The following ITSN2 variants were observed in gnomAD, a reference collection of about 807,000 sequenced individuals.
ITSN2 encodes the protein intersectin 2.
In ITSN2, 156 loss-of-function variants were observed where a neutral mutation model predicts 243.7. That is an observed-to-expected ratio of 0.64 (90% CI 0.56 to 0.73). The LOEUF (loss-of-function observed/expected upper bound fraction) is 0.73, where lower values mean the gene tolerates loss of function less well. Among genes scored for constraint, ITSN2 ranks in the 30% least tolerant of loss-of-function variants. The pLI is 0.00. For missense variants in ITSN2, 1,801 were observed against 1,996.1 expected (o/e 0.90, Z 1.86); for synonymous variants, 703 against 699.9 (o/e 1.00, Z -0.07).
chr2:24,245,476 A>G (rs1573987663), intron 29 of ITSN2, among the ~76,000 whole-genome samples: 1 of 150,742 alleles, frequency 6.6e-6, no homozygotes, highest in Non-Finnish European at 1.5e-5. Context: ...ATTGCTGGCT[A>G]CTTTTTTTTT....
intron 29 of ITSN2, among the ~76,000 whole-genome samples, chr2:24,224,604 C>A (rs1366284965): frequency 6.6e-6 from 1 of 151,812 alleles, no homozygotes; most frequent in African/African-American, 2.4e-5. Flanking sequence ...GCCTAGCTGA[C>A]CCTTTTGCAT....
At chr2:24,330,382 C>T (rs1488432154) in intron 1 of ITSN2, 10 of 562,214 alleles carry the variant, frequency 1.8e-5, no homozygotes, top group Admixed American at 1.5e-4. Flanking sequence ...TGCTTACCTC[C>T]TGCCACCGTT....
intron 20 of ITSN2, among the ~76,000 whole-genome samples, 164 bp downstream of exon 20, chr2:24,270,506 GT>G (rs1677210757): frequency 6.6e-6 from 1 of 152,174 alleles, no homozygotes; most frequent in African/African-American, 2.4e-5. Flanking sequence ...AATAATAACT[GT>G]CCTATGCAGC....
At chr2:24,224,054 G>A (rs1468587078) in intron 29 of ITSN2, among the ~76,000 whole-genome samples, 1 of 38,868 alleles carries the variant, frequency 2.6e-5, no homozygotes, top group East Asian at 8.2e-4. Flanking sequence ...GCTTGACGAG[G>A]CTTTTGTGGA....
intron 20 of ITSN2, among the ~76,000 whole-genome samples, chr2:24,264,697 T>TACACAC (rs55826835): frequency 6.0e-4 from 30 of 49,964 alleles, no homozygotes; most frequent in East Asian, 2.1e-3. Context: ...CTGTTGTTTA[T>TACACAC]ACACACACAC....
chr2:24,315,670 G>C (rs1683824537), intron 2 of ITSN2, among the ~76,000 whole-genome samples: 1 of 152,124 alleles, frequency 6.6e-6, no homozygotes, highest in South Asian at 2.1e-4. Context: ...GGAGATGACT[G>C]GATCATGGGA....
rs562441065 is a variant in ITSN2, at chr2:24,208,289, C to A, written c.4626G>T (p.Ala1542=). Residue 1542 remains alanine (A), a synonymous_variant, in exon 37 of 40, where the codon GCG becomes GCT. Transcript: ENST00000355123. The part of the protein sequence containing the change: ...RTAWVQKIKA[A]SEQYIDTEKK... ...TCTCGGTGTCGATGTACTGCTCAGA[C>A]GCCGCCTTGATCTTCTGCACCCAGG... 2 of 1,611,714 alleles carry A rather than the reference C, an allele frequency of 1.2e-6. No individual in the cohort carries two copies. The highest frequency in any genetic ancestry group is 1.7e-6 in the Non-Finnish European group (2 of 1,179,626).
chr2:24,320,832 G>C (rs1684487499), intron 2 of ITSN2, among the ~76,000 whole-genome samples: 1 of 152,074 alleles, frequency 6.6e-6, no homozygotes. Flanking sequence ...TGTTTAGCTG[G>C]GACCCTGCAG....
chr2:24,347,204 T>A (rs72787371), intron 1 of ITSN2, among the ~76,000 whole-genome samples: 29,252 of 152,100 alleles, frequency 0.19, 3,274 homozygotes, highest in Non-Finnish European at 0.26. Context: ...AAAAATAGAT[T>A]GCAAGGATGC....
chr2:24,273,163 T>C (rs1677586165), intron 18 of ITSN2, among the ~76,000 whole-genome samples: 1 of 152,224 alleles, frequency 6.6e-6, no homozygotes, highest in African/African-American at 2.4e-5. Flanking sequence ...TGTAGGCCCT[T>C]AGTCATCAAT....
At chr2:24,295,581 T>C in intron 14 of ITSN2, 83 bp downstream of exon 14, 1 of 1,123,358 alleles carries the variant, frequency 8.9e-7, no homozygotes, top group Non-Finnish European at 1.2e-6. Context: ...AGTGCTAGCA[T>C]TACAGCCGTG....
intron 15 of ITSN2, among the ~76,000 whole-genome samples, chr2:24,288,016 C>T (rs758827857): frequency 1.1e-4 from 16 of 152,020 alleles, no homozygotes; most frequent in Non-Finnish European, 2.2e-4. Flanking sequence ...GTTTCCTTTA[C>T]TGTGCAGAAA....
At chr2:24,351,841 T>C (rs1265875767) in intron 1 of ITSN2, among the ~76,000 whole-genome samples, 1 of 152,138 alleles carries the variant, frequency 6.6e-6, no homozygotes, top group Non-Finnish European at 1.5e-5. Flanking sequence ...TACTTAATAA[T>C]GACCCCAAAG....
chr2:24,269,962 T>C (rs1677143776), intron 20 of ITSN2, among the ~76,000 whole-genome samples: 1 of 152,158 alleles, frequency 6.6e-6, no homozygotes, highest in Admixed American at 6.5e-5. Context: ...GGAATGTGTG[T>C]TTAGGGTTTA....
At chr2:24,254,042 A>C (rs1483360850) in intron 24 of ITSN2, among the ~76,000 whole-genome samples, 1 of 152,234 alleles carries the variant, frequency 6.6e-6, no homozygotes, top group Non-Finnish European at 1.5e-5. Context: ...AATGAAATGT[A>C]TTGAAATTTC....
chr2:24,283,495 G>C (rs1043579030), intron 17 of ITSN2, among the ~76,000 whole-genome samples: 1 of 152,130 alleles, frequency 6.6e-6, no homozygotes, highest in Admixed American at 6.5e-5. Flanking sequence ...CAAAGTGTTG[G>C]GATTACAGGC....
Position 24,209,182 on chromosome 2 carries a change from C to G in ITSN2, c.4513G>C (p.Asp1505His), listed in dbSNP as rs1221156118. 1 of 1,614,116 alleles carries G rather than the reference C, an allele frequency of 6.2e-7. No individual in the cohort carries two copies. The highest frequency in any genetic ancestry group is 8.5e-7 in the Non-Finnish European group (1 of 1,180,008). The change falls in exon 36 of 40, where the codon GAC becomes CAC. Residue 1505 changes from aspartate to histidine, a missense_variant. By Grantham distance (81) the Asp-to-His change is moderately conservative. Transcript: ENST00000355123. ...AAGACAGGCTCATCGCTGGAAGGGT[C>G]TGTGGGCAGTTTCACCAAGACTTCA... ...LNEVLVKLPT[D>H]PSSDEPVFHI...
rs149080724 is a variant in ITSN2, at chr2:24,203,686, G to A, written c.5034C>T (p.Pro1678=). ...MTRRLLLHEV[P]TGEVWVRFDL... is the part of the protein sequence containing the mutation. ...CAAAACGGACCCAGACCTCCCCGGTGGGGACCTCATGCAGCAGCAGTCGGC... is the reference window on the plus strand; with the variant it reads ...CAAAACGGACCCAGACCTCCCCGGTAGGGACCTCATGCAGCAGCAGTCGGC... Residue 1678 remains proline, a synonymous_variant, in exon 40 of 40, where the codon CCC becomes CCT. Coordinates refer to ENST00000355123, the MANE Select transcript of ITSN2 (RefSeq NM_006277.3). 101 of 1,614,180 alleles carry A rather than the reference G, an allele frequency of 6.3e-5. No homozygotes were observed. In the African/African-American group the frequency reaches 1.1e-3, roughly 18 times the overall value.
intron 1 of ITSN2, among the ~76,000 whole-genome samples, chr2:24,340,116 T>C (rs547210367): frequency 6.6e-6 from 1 of 152,232 alleles, no homozygotes; most frequent in Non-Finnish European, 1.5e-5. Context: ...AGACAAACAG[T>C]AAGTCATGCT....
Sources: gnomAD v4.1 joint callset for allele counts (sites outside exome capture counted in the v4.1 genomes callset) on GRCh38, gnomAD v4.1.1 for gene constraint, MANE v1.5 for transcripts, NCBI Gene and HGNC (gene_info 2026-07-23, HGNC 2026-07-21) for gene names.